EFNA3: variants seen among roughly 807,000 people sequenced by gnomAD.
The protein encoded by EFNA3 is ephrin A3, also known as ephrin-A3.
A neutral mutation model predicts 25.0 loss-of-function variants in EFNA3; 15 were observed. That is an observed-to-expected ratio of 0.60 (90% CI 0.40 to 0.92). The LOEUF is 0.92. EFNA3 is among the 40% of genes least tolerant of loss of function. EFNA3 has a pLI of 0.00. For missense variants in EFNA3, 298 were observed against 323.8 expected, an observed-to-expected ratio of 0.92 and a Z score of 0.61; for synonymous variants, 153 against 145.6, an observed-to-expected ratio of 1.05 and a Z score of -0.37.
rs1663327916 is a variant in EFNA3, at chr1:155,080,761, C to T, written c.128+1692C>T. Among the ~76,000 whole-genome samples, 1 of 152,190 alleles carries T rather than the reference C, an allele frequency of 6.6e-6. No homozygotes were observed. Among genetic ancestry groups the T allele is most frequent in the Non-Finnish European group, 1.5e-5 (1 of 68,016 alleles). ...GGAGCGGGTGGGGGAGCCCGGGTTCCGGGAGCCTCCTTTCTGTCCTCTCTA... is the reference window on the plus strand; with the variant it reads ...GGAGCGGGTGGGGGAGCCCGGGTTCTGGGAGCCTCCTTTCTGTCCTCTCTA... On this transcript the variant is annotated intron_variant, in intron 1 of 4. Coordinates refer to ENST00000368408, the MANE Select transcript of EFNA3 (RefSeq NM_004952.5). The surrounding 1 kb of genome is among the most constrained non-coding windows in gnomAD (Gnocchi z 7.0).
Position 155,086,760 on chromosome 1 carries a change from G to A in EFNA3, c.*217G>A, listed in dbSNP as rs558801204. ...ACGGGGACAGCCATGGGTCCCGGGC[G>A]GCCTTGTGGCTCTGGTAATGTTTGG... On this transcript the variant is annotated 3_prime_UTR_variant, in exon 5 of 5. Coordinates refer to ENST00000368408, the MANE Select transcript of EFNA3 (RefSeq NM_004952.5). 2.6e-5 allele frequency: 15 copies of A among 582,912 alleles called. No individual in the cohort carries two copies. The highest frequency in any genetic ancestry group is 1.2e-4 in the South Asian group (5 of 43,334). The allele number at this position is 582,912 out of a possible 1,614,324, so 36.1% of individuals were successfully genotyped here.
In EFNA3 at chr1:155,085,529, G is replaced by C. The variant is rs1375176550; in HGVS notation, c.442+125G>C. 4.1e-6 allele frequency: 5 copies of C among 1,232,158 alleles called. No homozygotes were observed. Among genetic ancestry groups the C allele is most frequent in the Admixed American group, 5.8e-5 (2 of 34,578 alleles). 76.3% of individuals were successfully genotyped at this position (1,232,158 alleles called of 1,614,324 possible). ...GCGCCAGGTCTCGCGGCTGAGACCA[G>C]GGAGGAGGCGTGGGCACGGGACGCC... On this transcript the variant is annotated intron_variant, in intron 2 of 4. Coordinates refer to ENST00000368408, the MANE Select transcript of EFNA3 (RefSeq NM_004952.5). This position sits in a 1 kb window ranked among gnomAD's most constrained non-coding sequence, Gnocchi z 4.4.
Position 155,085,776 on chromosome 1 carries a change from GC to G in EFNA3, c.443-98del, listed in dbSNP as rs1341163285. 5.6e-6 allele frequency: 8 copies of G among 1,427,894 alleles called. No homozygotes were observed. The African/African-American group carries it at 1.1e-4, about 20-fold the overall frequency. 88.5% of individuals were successfully genotyped at this position (1,427,894 alleles called of 1,614,324 possible). A position where few individuals can be genotyped will look rare whatever the true frequency, so the allele number is the denominator to read the frequency against. Reference sequence around the variant, plus strand: ...GGTAGGGGAGCTCCTGAAGGAGACCGCCCGACGGGGACAGTTTGGAGGGGGT... The same window carrying G: ...GGTAGGGGAGCTCCTGAAGGAGACCGCCGACGGGGACAGTTTGGAGGGGGT... On this transcript the variant is annotated intron_variant, in intron 2 of 4. Coordinates refer to ENST00000368408, the MANE Select transcript of EFNA3 (RefSeq NM_004952.5). The surrounding 1 kb of genome is among the most constrained non-coding windows in gnomAD (Gnocchi z 4.4).
chr1:155,081,666 C>T lies in EFNA3; in HGVS notation c.128+2597C>T, dbSNP rs1180960159. On this transcript the variant is annotated intron_variant, in intron 1 of 4. Transcript: ENST00000368408. This position sits in a 1 kb window ranked among gnomAD's most constrained non-coding sequence, Gnocchi z 5.2. ...CTGTCCCTGCTTCTCTCCTTTGCGTCTCTGTCTCCGTCTCCGCCGTCTGTG... is the reference window on the plus strand; with the variant it reads ...CTGTCCCTGCTTCTCTCCTTTGCGTTTCTGTCTCCGTCTCCGCCGTCTGTG... 2.0e-5 allele frequency among the ~76,000 whole-genome samples: 3 copies of T among 152,170 alleles called. No individual in the cohort carries two copies. The highest frequency in any genetic ancestry group is 1.9e-4 in the East Asian group (1 of 5,188).
In EFNA3 at chr1:155,080,787, C is replaced by T. The variant is rs531584677; in HGVS notation, c.128+1718C>T. Among the ~76,000 whole-genome samples, 16 of 152,324 alleles carry T rather than the reference C, an allele frequency of 1.1e-4. 1 individual carries two copies. The highest frequency in any genetic ancestry group is 4.6e-4 in the Admixed American group (7 of 15,312). On this transcript the variant is annotated intron_variant, in intron 1 of 4. Transcript: ENST00000368408. The surrounding 1 kb of genome is among the most constrained non-coding windows in gnomAD (Gnocchi z 7.0). Reference sequence around the variant, plus strand: ...GGGAGCCTCCTTTCTGTCCTCTCTACTCCGTGCGGGCCTGGGCCGGCAGAG... The same window carrying T: ...GGGAGCCTCCTTTCTGTCCTCTCTATTCCGTGCGGGCCTGGGCCGGCAGAG...
In EFNA3 at chr1:155,086,563, G is replaced by GC. The variant is rs762228610; in HGVS notation, c.*20_*21insC. 2.5e-6 allele frequency: 4 copies of GC among 1,612,340 alleles called. No homozygotes were observed. The African/African-American group carries it at 5.3e-5, about 22-fold the overall frequency. Reference sequence around the variant, plus strand: ...TCCTAGCTCTGCCCCCTCCCCTGGGGGGGGAGAGATGGGGCGGGGCTTGGA... The same window carrying GC: ...TCCTAGCTCTGCCCCCTCCCCTGGGGCGGGGAGAGATGGGGCGGGGCTTGGA... On this transcript the variant is annotated 3_prime_UTR_variant, in exon 5 of 5. Transcript: ENST00000368408.
Position 155,081,129 on chromosome 1 carries a change from T to G in EFNA3, c.128+2060T>G, listed in dbSNP as rs1663334946. Among the ~76,000 whole-genome samples, 1 of 152,104 alleles carries G rather than the reference T, an allele frequency of 6.6e-6. No individual in the cohort carries two copies. Among genetic ancestry groups the G allele is most frequent in the Non-Finnish European group, 1.5e-5 (1 of 67,986 alleles). On this transcript the variant is annotated intron_variant, in intron 1 of 4. Transcript: ENST00000368408. This position sits in a 1 kb window ranked among gnomAD's most constrained non-coding sequence, Gnocchi z 5.2. ...GGGAGGGTCTTGCGACCCCGCCTCC[T>G]GGGGGGGTCACGTGCGTCGGCCTCC...
Position 155,079,875 on chromosome 1 carries a change from G to C in EFNA3, c.128+806G>C, listed in dbSNP as rs1277263996. Among the ~76,000 whole-genome samples, 1 of 152,006 alleles carries C rather than the reference G, an allele frequency of 6.6e-6. No homozygotes were observed. The highest frequency in any genetic ancestry group is 6.6e-5 in the Admixed American group (1 of 15,266). On this transcript the variant is annotated intron_variant, in intron 1 of 4. Transcript: ENST00000368408. The surrounding 1 kb of genome is among the most constrained non-coding windows in gnomAD (Gnocchi z 7.7). ...GCTGCGGGTCGGGGAAGGGGCTGCGGTCGCTGTCCGCGCGGCCAGCTGCGT... is the reference window on the plus strand; with the variant it reads ...GCTGCGGGTCGGGGAAGGGGCTGCGCTCGCTGTCCGCGCGGCCAGCTGCGT...
At chr1:155,082,632 T>G (rs1358097554) in intron 1 of EFNA3, among the ~76,000 whole-genome samples, 2 of 152,098 alleles carry the variant, frequency 1.3e-5, no homozygotes, top group Non-Finnish European at 2.9e-5. Flanking sequence ...CATTCGCCTT[T>G]CTGCAAGAGA....
At position 155,080,255 on chromosome 1, in the gene EFNA3, C is replaced by G. The variant is rs967215078; in HGVS notation, c.128+1186C>G. Among the ~76,000 whole-genome samples, 1 of 151,984 alleles carries G rather than the reference C, an allele frequency of 6.6e-6. No homozygotes were observed. The highest frequency in any genetic ancestry group is 1.9e-4 in the East Asian group (1 of 5,168). Reference sequence around the variant, plus strand: ...AGGGGAGGGGACCGGGAGGGCCGGGCGGCCGCGACCCCCAACCTCTCGGAG... The same window carrying G: ...AGGGGAGGGGACCGGGAGGGCCGGGGGGCCGCGACCCCCAACCTCTCGGAG... On this transcript the variant is annotated intron_variant, in intron 1 of 4. Transcript: ENST00000368408. The surrounding 1 kb of genome is among the most constrained non-coding windows in gnomAD (Gnocchi z 7.0).
rs749523665 is a variant in EFNA3 at position 155,086,494 on chromosome 1, C to T, written c.668C>T (p.Pro223Leu). The T allele has an allele frequency of 3.1e-6, 5 of 1,613,982 alleles. No individual in the cohort carries two copies. In the East Asian group the frequency reaches 8.9e-5, roughly 29 times the overall value. ...SGTSPKREHLPLAVGIAFFLM... is the reference protein window; with the variant it reads ...SGTSPKREHLLLAVGIAFFLM... ...ACCAGCCCCAAACGGGAACACCTGC[C>T]CCTGGCCGTGGGCATCGCCTTCTTC... The change falls in exon 5 of 5, where the codon CCC becomes CTC. Residue 223 changes from proline to leucine, a missense_variant. Transcript: ENST00000368408.
At position 155,079,058 on chromosome 1, in the gene EFNA3, C is replaced by A; in HGVS notation, c.117C>A (p.Ser39Arg). ...ACCGGCATGCGGTGTACTGGAACAG[C>A]TCCAACCAGCAGTGAGTCGGGGACC... ...LGNRHAVYWN[S>R]SNQHLRREGY... Residue 39 changes from serine (S) to arginine (R), a missense_variant, in exon 1 of 5, where the codon AGC (serine) becomes AGA (arginine). By Grantham distance (110) the Ser-to-Arg change is moderately radical. Transcript: ENST00000368408. The surrounding 1 kb of genome is among the most constrained non-coding windows in gnomAD (Gnocchi z 7.7). 7.4e-7 allele frequency: 1 copy of A among 1,358,924 alleles called. No individual in the cohort carries two copies. Among genetic ancestry groups the A allele is most frequent in the Non-Finnish European group, 9.5e-7 (1 of 1,050,394 alleles). The allele number at this position is 1,358,924 out of a possible 1,614,324, so 84.2% of individuals were successfully genotyped here.
rs779264997 is a variant in EFNA3, at chr1:155,081,447, C to T, written c.128+2378C>T. On this transcript the variant is annotated intron_variant, in intron 1 of 4. Coordinates refer to ENST00000368408, the MANE Select transcript of EFNA3 (RefSeq NM_004952.5). The surrounding 1 kb of genome is among the most constrained non-coding windows in gnomAD (Gnocchi z 5.2). ...AACTGAGCAAGGATGTTGGTATTTG[C>T]TCCGTTCTCAAGGAGCTTCGGGAAC... is the stretch of plus-strand genomic sequence containing the variant. Among the ~76,000 whole-genome samples, 13 of 152,238 alleles carry T rather than the reference C, an allele frequency of 8.5e-5. No homozygotes were observed. The highest frequency in any genetic ancestry group is 1.8e-4 in the Non-Finnish European group (12 of 68,036).
rs764906085 is a variant in EFNA3 at position 155,085,800 on chromosome 1, G to A, written c.443-77G>A. 1 of 1,543,982 alleles carries A rather than the reference G, an allele frequency of 6.5e-7. No homozygotes were observed. The highest frequency in any genetic ancestry group is 8.8e-7 in the Non-Finnish European group (1 of 1,130,364). On this transcript the variant is annotated intron_variant, in intron 2 of 4. Coordinates refer to ENST00000368408, the MANE Select transcript of EFNA3 (RefSeq NM_004952.5). The surrounding 1 kb of genome is among the most constrained non-coding windows in gnomAD (Gnocchi z 4.4). ...CGCCCGACGGGGACAGTTTGGAGGG[G>A]GTGAGAAATAGAGCCGTCGAGGGAG...
rs1046637672 is a variant in EFNA3 at position 155,085,086 on chromosome 1, C to T, written c.129-5C>T. ...TCTCTCTGAGCCGCTTCCTCTTCCCCACAGCCTGCGGCGAGAGGGCTACAC... is the reference window on the plus strand; with the variant it reads ...TCTCTCTGAGCCGCTTCCTCTTCCCTACAGCCTGCGGCGAGAGGGCTACAC... On this transcript the variant is annotated splice_region_variant and splice_polypyrimidine_tract_variant and intron_variant, in intron 1 of 4. Coordinates refer to ENST00000368408, the MANE Select transcript of EFNA3 (RefSeq NM_004952.5). The surrounding 1 kb of genome is among the most constrained non-coding windows in gnomAD (Gnocchi z 4.4). The T allele has an allele frequency of 1.2e-6, 2 of 1,613,408 alleles. No individual in the cohort carries two copies. The highest frequency in any genetic ancestry group is 2.2e-5 in the East Asian group (1 of 44,858).
At chr1:155,084,638 GATCCCTCCCACGTTCACCCTTGGCTTCC>G (rs1298661415) in intron 1 of EFNA3, among the ~76,000 whole-genome samples, 11 of 152,226 alleles carry the variant, frequency 7.2e-5, no homozygotes, top group African/African-American at 2.7e-4. Context: ...CCTCGGAGGG[GATCCCTCCCACGTTCACCCTTGGCTTCC>G]ATCCCTCCCA....
chr1:155,084,945 G>A, intron 1 of EFNA3, 146 bp from the exon 2 acceptor site: 1 of 860,384 alleles, frequency 1.2e-6, no homozygotes, highest in South Asian at 1.7e-5. Flanking sequence ...GGGCCCCGGG[G>A]GCAGAGACAG....
Position 155,086,600 on chromosome 1 carries a change from G to A in EFNA3, c.*57G>A. ...GGGCGGGGCTTGGAAGGAGCAGGGA[G>A]CCTTTGGCCTCTCCAAGGGAAGCCT... is the stretch of plus-strand genomic sequence containing the variant. On this transcript the variant is annotated 3_prime_UTR_variant, in exon 5 of 5. Coordinates refer to ENST00000368408, the MANE Select transcript of EFNA3 (RefSeq NM_004952.5). 6.3e-7 allele frequency: 1 copy of A among 1,596,598 alleles called. No individual in the cohort carries two copies. The highest frequency in any genetic ancestry group is 2.2e-5 in the East Asian group (1 of 44,776).
chr1:155,085,454 A>G lies in EFNA3; in HGVS notation c.442+50A>G. ...GGGTCTGAACGCGAGAGTCTGAGTG[A>G]CAGCCGGGGGGTGGAGCCCCTAGGC... On this transcript the variant is annotated intron_variant, in intron 2 of 4. Transcript: ENST00000368408. This position sits in a 1 kb window ranked among gnomAD's most constrained non-coding sequence, Gnocchi z 4.4. 6.8e-7 allele frequency: 1 copy of G among 1,481,022 alleles called. No individual in the cohort carries two copies. The highest frequency in any genetic ancestry group is 9.0e-7 in the Non-Finnish European group (1 of 1,110,140). The allele number at this position is 1,481,022 out of a possible 1,614,324, so 91.7% of individuals were successfully genotyped here.
Sources: gnomAD v4.1 joint callset for allele counts (sites outside exome capture counted in the v4.1 genomes callset) on GRCh38, gnomAD v4.1.1 for gene constraint, Gnocchi (gnomAD v3.1) non-coding constraint, MANE v1.5 for transcripts, NCBI Gene and HGNC (gene_info 2026-07-23, HGNC 2026-07-21) for gene names.